Variants in FAM107B observed in about 807,000 individuals in gnomAD.
The protein encoded by FAM107B is protein FAM107B.
In FAM107B, 21 loss-of-function variants were observed where a neutral mutation model predicts 31.5. That is an observed-to-expected ratio of 0.67 (90% CI 0.47 to 0.96). FAM107B has a LOEUF of 0.96. Ranked by LOEUF, FAM107B falls within the 40% of genes least tolerant of loss-of-function variation. FAM107B has a pLI of 0.00. For synonymous variants in FAM107B, 157 were observed against 141.5 expected (o/e 1.11, Z -0.78); for missense variants, 452 against 377.1 (o/e 1.20, Z -1.64).
At position 14,774,237 on chromosome 10, in the gene FAM107B, G is replaced by A. The variant is rs1833368728; in HGVS notation, c.411+16C>T. On this transcript the variant is annotated intron_variant, in intron 1 of 4. Coordinates refer to ENST00000181796, the MANE Select transcript of FAM107B (RefSeq NM_031453.4). ...GCTCCATCCCGTCTATAATCGCAGA[G>A]CGAACACTCACTCACCTTGGGCGTG... 6.3e-7 allele frequency: 1 copy of A among 1,592,058 alleles called. No homozygotes were observed. The highest frequency in any genetic ancestry group is 8.6e-7 in the Non-Finnish European group (1 of 1,166,508).
intron 2 of FAM107B, among the ~76,000 whole-genome samples, chr10:14,587,760 G>T (rs1464215493): frequency 1.3e-5 from 2 of 152,162 alleles, no homozygotes; most frequent in Non-Finnish European, 2.9e-5. Context: ...GACAGTAAAG[G>T]ACACTGTGCT....
intron 2 of FAM107B, among the ~76,000 whole-genome samples, chr10:14,588,372 C>T (rs1315581611): frequency 6.6e-6 from 1 of 152,220 alleles, no homozygotes; most frequent in Non-Finnish European, 1.5e-5. Context: ...ACTCCAGGCA[C>T]AAATACCAGA....
chr10:14,743,142 ATGTT>A (rs1451821762), intron 1 of FAM107B, among the ~76,000 whole-genome samples: 1 of 151,800 alleles, frequency 6.6e-6, no homozygotes, highest in African/African-American at 2.4e-5. Context: ...TTTTTTTCAT[ATGTT>A]TGTTGGCTGC....
chr10:14,733,078 A>G (rs1349402529), intron 1 of FAM107B, among the ~76,000 whole-genome samples: 2 of 148,078 alleles, frequency 1.4e-5, no homozygotes, highest in Non-Finnish European at 3.0e-5. Flanking sequence ...GATACAATGT[A>G]GTCTATAGAA....
intron 1 of FAM107B, among the ~76,000 whole-genome samples, chr10:14,676,809 T>C (rs1420603179): frequency 6.6e-6 from 1 of 152,248 alleles, no homozygotes; most frequent in Non-Finnish European, 1.5e-5. Context: ...GATGCTGTGA[T>C]GTGGCACCTG....
Position 14,744,482 on chromosome 10 carries a change from GTGT to G in FAM107B, c.411+29768_411+29770del, listed in dbSNP as rs1832685850. On this transcript the variant is annotated intron_variant, in intron 1 of 4. Coordinates refer to ENST00000181796, the MANE Select transcript of FAM107B (RefSeq NM_031453.4). ...CCATTCAGTATAACATTGGCTGTGG[GTGT>G]CATAAATGGCTCTTAGTGTTTTGAG... 2.6e-5 allele frequency among the ~76,000 whole-genome samples: 4 copies of G among 151,932 alleles called. No homozygotes were observed. In the South Asian group the frequency reaches 8.3e-4, roughly 32 times the overall value.
chr10:14,691,937 G>C (rs528157117), intron 1 of FAM107B, among the ~76,000 whole-genome samples: 65 of 151,128 alleles, frequency 4.3e-4, no homozygotes, highest in African/African-American at 1.6e-3. Context: ...GCAGCATCTG[G>C]ACTTGCACCT....
At chr10:14,522,876 C>T (rs568238381) in intron 3 of FAM107B, among the ~76,000 whole-genome samples, 1 of 152,284 alleles carries the variant, frequency 6.6e-6, no homozygotes, top group South Asian at 2.1e-4. Context: ...CATGGCCGTG[C>T]AGAACCTTAA....
intron 2 of FAM107B, chr10:14,604,201 C>G: frequency 5.1e-6 from 5 of 979,410 alleles, no homozygotes; most frequent in Non-Finnish European, 4.8e-6. Flanking sequence ...CCGCGCCCCT[C>G]GTCTTTGTGT....
intron 2 of FAM107B, among the ~76,000 whole-genome samples, chr10:14,607,015 C>G (rs1205948479): frequency 6.6e-6 from 1 of 152,196 alleles, no homozygotes; most frequent in South Asian, 2.1e-4. Flanking sequence ...TAAATCCCAT[C>G]CCAGCAGTGA....
At chr10:14,752,656 G>A (rs1318687473) in intron 1 of FAM107B, among the ~76,000 whole-genome samples, 2 of 152,184 alleles carry the variant, frequency 1.3e-5, no homozygotes, top group Non-Finnish European at 2.9e-5. Flanking sequence ...AGCTGGCCAG[G>A]TTTGGTGGTT....
chr10:14,608,592 A>G (rs1427196238), intron 2 of FAM107B, among the ~76,000 whole-genome samples: 4 of 152,224 alleles, frequency 2.6e-5, no homozygotes, highest in Non-Finnish European at 2.9e-5. Flanking sequence ...CAGGCATCTC[A>G]GATCCACTTG....
At chr10:14,725,928 C>A (rs1856024151) in intron 1 of FAM107B, among the ~76,000 whole-genome samples, 1 of 147,416 alleles carries the variant, frequency 6.8e-6, no homozygotes. Context: ...CAGGTTCAAG[C>A]AATTCTCCTG....
chr10:14,575,289 C>T (rs2131286600), intron 2 of FAM107B, among the ~76,000 whole-genome samples: 1 of 152,130 alleles, frequency 6.6e-6, no homozygotes, highest in African/African-American at 2.4e-5. Flanking sequence ...CTGCAGCCTC[C>T]ACCTCCCAGG....
At chr10:14,635,553 G>A (rs1391280649) in intron 2 of FAM107B, among the ~76,000 whole-genome samples, 1 of 152,160 alleles carries the variant, frequency 6.6e-6, no homozygotes, top group African/African-American at 2.4e-5. Context: ...TACTCAAAAT[G>A]TCAGTTGCAC....
chr10:14,689,142 T>G (rs1293373267), intron 1 of FAM107B, among the ~76,000 whole-genome samples: 2 of 152,076 alleles, frequency 1.3e-5, no homozygotes, highest in African/African-American at 2.4e-5. Context: ...GGCTCACACC[T>G]GTAATGGTGG....
At chr10:14,554,928 A>AT (rs1208718326) in intron 2 of FAM107B, among the ~76,000 whole-genome samples, 2 of 152,322 alleles carry the variant, frequency 1.3e-5, no homozygotes, top group Non-Finnish European at 2.9e-5. Flanking sequence ...TGATTCAGGC[A>AT]TTTTTTAAAG....
intron 4 of FAM107B, 76 bp from the exon 5 acceptor site, chr10:14,521,382 G>T: frequency 8.2e-7 from 1 of 1,221,898 alleles, no homozygotes; most frequent in Non-Finnish European, 1.2e-6. Context: ...TCTTTTCAAA[G>T]TCCCTGACAA....
intron 2 of FAM107B, among the ~76,000 whole-genome samples, chr10:14,630,782 T>C (rs935329902): frequency 6.6e-6 from 1 of 151,828 alleles, no homozygotes; most frequent in East Asian, 1.9e-4. Flanking sequence ...GCCCAGGAGG[T>C]TGAGGCTGAG....
Sources: allele counts gnomAD v4.1 joint callset (sites outside exome capture counted in the v4.1 genomes callset), GRCh38; gene constraint gnomAD v4.1.1; transcripts MANE v1.5; gene names NCBI Gene and HGNC (gene_info 2026-07-23, HGNC 2026-07-21).